The following ADAMTS18 variants were observed in gnomAD, a reference collection of about 807,000 sequenced individuals.
ADAMTS18 encodes the protein A disintegrin and metalloproteinase with thrombospondin motifs 18.
Under a neutral mutation model 165.9 loss-of-function variants are expected in ADAMTS18, and 157 were observed. The observed-to-expected ratio is 0.95, with a 90% CI of 0.83 to 1.08. ADAMTS18 has a LOEUF of 1.08. ADAMTS18 is among the 50% of genes least tolerant of loss of function. ADAMTS18 has a pLI of 0.00. For synonymous variants in ADAMTS18, 782 were observed against 578.2 expected, an observed-to-expected ratio of 1.35 and a Z score of -5.06; for missense variants, 2,040 against 1,534.0, an observed-to-expected ratio of 1.33 and a Z score of -5.51.
At chr16:77,381,938 G>A (rs1474897633) in intron 3 of ADAMTS18, among the ~76,000 whole-genome samples, 1 of 152,134 alleles carries the variant, frequency 6.6e-6, no homozygotes, top group East Asian at 1.9e-4. Context: ...TGGCTCAATT[G>A]TTCTCTGGAA....
chr16:77,390,527 T>C (rs1461730936), intron 3 of ADAMTS18, among the ~76,000 whole-genome samples: 1 of 151,980 alleles, frequency 6.6e-6, no homozygotes, highest in South Asian at 2.1e-4. Context: ...CCGTCTCTAC[T>C]AAAAACACAA....
intron 3 of ADAMTS18, among the ~76,000 whole-genome samples, chr16:77,393,512 G>A (rs893702159): frequency 6.6e-6 from 1 of 152,170 alleles, no homozygotes; most frequent in African/African-American, 2.4e-5. Context: ...GTCTTAGGAG[G>A]TAGGATCTCC....
Position 77,422,305 on chromosome 16 carries a change from T to C in ADAMTS18, c.495+8990A>G, listed in dbSNP as rs146866321. 5.4e-3 allele frequency among the ~76,000 whole-genome samples: 829 copies of C among 152,148 alleles called. 28 individuals are homozygous for C. The highest frequency in any genetic ancestry group is 0.049 in the Admixed American group (742 of 15,284). ...TATATAGGGTCCACCTGTGGAGTTA[T>C]TGCTGAATAAGTCACCGCAGATGCC... is the stretch of plus-strand genomic sequence containing the variant. On this transcript the variant is annotated intron_variant, in intron 3 of 22. Transcript: ENST00000282849.
Position 77,283,738 on chromosome 16 carries a change from C to A in ADAMTS18, c.*218G>T. On this transcript the variant is annotated 3_prime_UTR_variant, in exon 23 of 23. Transcript: ENST00000282849. ...TTTTTTTTAAAGTCAGATTTGTCAT[C>A]GCTTCCCATTTTCAAGTGCTTCAGA... is the stretch of plus-strand genomic sequence containing the variant. 1 of 550,460 alleles carries A rather than the reference C, an allele frequency of 1.8e-6. No homozygotes were observed. Among genetic ancestry groups the A allele is most frequent in the African/African-American group, 1.9e-5 (1 of 52,764 alleles). The allele number at this position is 550,460 out of a possible 1,614,324, so 34.1% of individuals were successfully genotyped here. A position where few individuals can be genotyped will look rare whatever the true frequency, so the allele number is the denominator to read the frequency against.
At chr16:77,366,712 T>G (rs1035514722) in intron 4 of ADAMTS18, among the ~76,000 whole-genome samples, 3 of 152,216 alleles carry the variant, frequency 2.0e-5, no homozygotes, top group Non-Finnish European at 1.5e-5. Context: ...CCAATAAAAA[T>G]TTATCATCTG....
At chr16:77,407,452 G>A (rs1405893299) in intron 3 of ADAMTS18, among the ~76,000 whole-genome samples, 6 of 151,944 alleles carry the variant, frequency 3.9e-5, no homozygotes, top group Non-Finnish European at 5.9e-5. Flanking sequence ...GGTAGAAATT[G>A]GCAAACTAAC....
chr16:77,314,753 C>CTTAT (rs1555511655), intron 16 of ADAMTS18, among the ~76,000 whole-genome samples: 402 of 36,900 alleles, frequency 0.011, 77 homozygotes, highest in African/African-American at 0.032. Context: ...TCTCAGGTTT[C>CTTAT]ATATATATAT....
chr16:77,290,224 T>TTCAGGCTGTATA (rs2055336410), intron 21 of ADAMTS18, among the ~76,000 whole-genome samples: 1 of 152,178 alleles, frequency 6.6e-6, no homozygotes, highest in African/African-American at 2.4e-5. Context: ...TAGTAAATAT[T>TTCAGGCTGTATA]TCAGGCTGTA....
chr16:77,348,715 A>G (rs944963698), intron 10 of ADAMTS18, among the ~76,000 whole-genome samples: 1 of 152,358 alleles, frequency 6.6e-6, no homozygotes, highest in Middle Eastern at 3.4e-3. Context: ...GGCATGGCAG[A>G]TACTCTCTAC....
At chr16:77,380,992 C>T (rs187992) in intron 3 of ADAMTS18, among the ~76,000 whole-genome samples, 125,556 of 152,102 alleles carry the variant, frequency 0.83, 51,971 homozygotes, top group East Asian at 0.91. Flanking sequence ...TCCCTGCCTC[C>T]GCCTCCGGAG....
rs548309518 is a variant in ADAMTS18 at position 77,425,089 on chromosome 16, C to T, written c.495+6206G>A. Among the ~76,000 whole-genome samples the T allele has an allele frequency of 3.7e-4, 57 of 152,248 alleles. 1 individual carries two copies. The highest frequency in any genetic ancestry group is 6.5e-4 in the Non-Finnish European group (44 of 68,026). On this transcript the variant is annotated intron_variant, in intron 3 of 22. Transcript: ENST00000282849. ...AAGGGGGAGATCAAAGCGTCCCTAC[C>T]GCCTATTGAAATCCAATTGTTTCCA... is the stretch of plus-strand genomic sequence containing the variant.
At position 77,431,284 on chromosome 16, in the gene ADAMTS18, G is replaced by A; in HGVS notation, c.495+11C>T. ...AAAGAGGGAGCTCAACTCAGACTGG[G>A]GTGTACTTACCAAGCCAGCACACGT... On this transcript the variant is annotated intron_variant, in intron 3 of 22. Transcript: ENST00000282849. 1 of 1,613,924 alleles carries A rather than the reference G, an allele frequency of 6.2e-7. No homozygotes were observed. Among genetic ancestry groups the A allele is most frequent in the Non-Finnish European group, 8.5e-7 (1 of 1,179,896 alleles).
intron 3 of ADAMTS18, among the ~76,000 whole-genome samples, chr16:77,397,234 G>C (rs1380565631): frequency 6.6e-6 from 1 of 152,188 alleles, no homozygotes; most frequent in African/African-American, 2.4e-5. Flanking sequence ...CAACTGTGTA[G>C]AAAGGAGAAA....
At chr16:77,359,239 C>G in intron 8 of ADAMTS18, 79 bp downstream of exon 8, 1 of 1,273,418 alleles carries the variant, frequency 7.9e-7, no homozygotes, top group Non-Finnish European at 1.1e-6. Context: ...CTGCCTAAGT[C>G]AACAACAACG....
intron 18 of ADAMTS18, among the ~76,000 whole-genome samples, chr16:77,295,810 G>C (rs550554195): frequency 8.7e-4 from 132 of 152,028 alleles, no homozygotes; most frequent in South Asian, 7.9e-3. Flanking sequence ...CTATCTGTCT[G>C]AGACTTGGTA....
At chr16:77,335,953 A>G (rs1245796732) in intron 11 of ADAMTS18, 49 bp from the exon 12 acceptor site, 1 of 1,612,848 alleles carries the variant, frequency 6.2e-7, no homozygotes, top group Non-Finnish European at 8.5e-7. Context: ...CACCTGGGAA[A>G]GCGCAGGGAG....
chr16:77,390,267 G>C (rs1036931294), intron 3 of ADAMTS18, among the ~76,000 whole-genome samples: 1 of 152,164 alleles, frequency 6.6e-6, no homozygotes, highest in Non-Finnish European at 1.5e-5. Context: ...AATAAATGTA[G>C]ATTTATCAGG....
chr16:77,412,164 T>G (rs79426884), intron 3 of ADAMTS18, among the ~76,000 whole-genome samples: 1 of 152,028 alleles, frequency 6.6e-6, no homozygotes, highest in Non-Finnish European at 1.5e-5. Flanking sequence ...AAAGACTGAG[T>G]AAGGAAGAAT....
intron 14 of ADAMTS18, among the ~76,000 whole-genome samples, chr16:77,321,912 T>G (rs935509554): frequency 1.3e-5 from 2 of 151,790 alleles, no homozygotes; most frequent in African/African-American, 2.4e-5. Context: ...TCCCAGCACT[T>G]TGGGAGGCTG....
Sources: gnomAD v4.1 joint callset for allele counts (sites outside exome capture counted in the v4.1 genomes callset) on GRCh38, gnomAD v4.1.1 for gene constraint, MANE v1.5 for transcripts, NCBI Gene and HGNC (gene_info 2026-07-23, HGNC 2026-07-21) for gene names.